Variants in OCSTAMP observed in about 807,000 individuals in gnomAD.
The protein encoded by OCSTAMP is transmembrane protein C20orf123.
Under a neutral mutation model 25.2 loss-of-function variants are expected in OCSTAMP, and 17 were observed. That is an observed-to-expected ratio of 0.68 (90% CI 0.46 to 1.01). OCSTAMP has a LOEUF of 1.01. Among genes scored for constraint, OCSTAMP ranks in the 50% least tolerant of loss-of-function variants. The pLI is 0.00. For missense variants in OCSTAMP, 664 were observed against 694.6 expected (o/e 0.96, Z 0.50); for synonymous variants, 345 against 318.9 (o/e 1.08, Z -0.87).
Position 46,541,920 on chromosome 20 carries a change from T to C in OCSTAMP, c.1055A>G (p.Tyr352Cys). ...GAAAGGGATGAAGCCCAGGACAGTG[T>C]ATGCCACCTTGGGAAAGGAGAAAAA... ...ITLTVKYDVA[Y>C]TVLGFIPFLF... Residue 352 changes from tyrosine to cysteine, a missense_variant, in exon 3 of 3, where the codon TAC becomes TGC. By Grantham distance (194) the Tyr-to-Cys change is radical (BLOSUM62 -2). Coordinates refer to ENST00000279028, the MANE Select transcript of OCSTAMP (RefSeq NM_080721.3). 1.4e-6 allele frequency: 2 copies of C among 1,428,406 alleles called. No individual in the cohort carries two copies. Among genetic ancestry groups the C allele is most frequent in the Non-Finnish European group, 1.8e-6 (2 of 1,091,260 alleles). 88.5% of individuals were successfully genotyped at this position (1,428,406 alleles called of 1,614,324 possible).
chr20:46,542,443 T>C (rs2061837524), intron 2 of OCSTAMP, among the ~76,000 whole-genome samples: 1 of 151,914 alleles, frequency 6.6e-6, no homozygotes, highest in African/African-American at 2.4e-5. Context: ...TAGCTGGGTG[T>C]GTTGGCACGT....
chr20:46,545,699 G>A lies in OCSTAMP; in HGVS notation c.675C>T (p.Thr225=), dbSNP rs372618288. ...ESLARAAALG[T]QRVVTGLFML... is the part of the protein sequence containing the mutation. The stretch of plus-strand genomic sequence containing the variant: ...TAAACAGCCCTGTGACCACTCGCTG[G>A]GTCCCTAGCGCTGCTGCCCGGGCCA... The change falls in exon 2 of 3, where the codon ACC becomes ACT. Residue 225 remains threonine, a synonymous_variant. Transcript: ENST00000279028. 9 of 1,551,502 alleles carry A rather than the reference G, an allele frequency of 5.8e-6. No homozygotes were observed. Among genetic ancestry groups the A allele is most frequent in the Admixed American group, 3.9e-5 (2 of 50,984 alleles).
At chr20:46,548,726 A>G (rs1185789045) in intron 1 of OCSTAMP, among the ~76,000 whole-genome samples, 1 of 152,198 alleles carries the variant, frequency 6.6e-6, no homozygotes, top group Non-Finnish European at 1.5e-5. Context: ...TGTTGGTTAC[A>G]GGCAAAGCTG....
Position 46,542,814 on chromosome 20 carries a change from G to T in OCSTAMP, c.1048-887C>A, listed in dbSNP as rs561293502. On this transcript the variant is annotated intron_variant, in intron 2 of 2. Coordinates refer to ENST00000279028, the MANE Select transcript of OCSTAMP (RefSeq NM_080721.3). The stretch of plus-strand genomic sequence containing the variant: ...ATTCTGCACTAACCCAGGTGCAGAA[G>T]GATAGCTTGCCACACCCCAAATGGT... 2.4e-4 allele frequency among the ~76,000 whole-genome samples: 37 copies of T among 152,268 alleles called. 2 individuals are homozygous for T. The highest frequency in any genetic ancestry group is 1.7e-3 in the South Asian group (8 of 4,820).
Position 46,541,606 on chromosome 20 carries a change from G to C in OCSTAMP, c.1369C>G (p.Gln457Glu). 6.4e-7 allele frequency: 1 copy of C among 1,551,592 alleles called. No individual in the cohort carries two copies. Among genetic ancestry groups the C allele is most frequent in the Non-Finnish European group, 8.7e-7 (1 of 1,146,992 alleles). The change falls in exon 3 of 3, where the codon CAA becomes GAA. Residue 457 changes from glutamine to glutamate, a missense_variant. Physicochemically the swap from Gln to Glu is conservative, Grantham distance 29 (BLOSUM62 2). Coordinates refer to ENST00000279028, the MANE Select transcript of OCSTAMP (RefSeq NM_080721.3). ...ARLQRRHDRH[Q>E]GQQLPLGDPS... ...TCCCCTAGGGGCAGCTGCTGGCCTT[G>C]GTGCCTGTCGTGTCTTCGCTGGAGC...
In OCSTAMP at chr20:46,541,706, G is replaced by T; in HGVS notation, c.1269C>A (p.Arg423=). 6.5e-7 allele frequency: 1 copy of T among 1,548,688 alleles called. No homozygotes were observed. The highest frequency in any genetic ancestry group is 8.7e-7 in the Non-Finnish European group (1 of 1,146,762). The change falls in exon 3 of 3, where the codon CGC becomes CGA. Residue 423 remains arginine, a synonymous_variant. Transcript: ENST00000279028. The part of the protein sequence containing the change: ...GSTVLLEAYA[R]RLRHAIAASF... ...AAGCGGCGATGGCATGCCGCAGGCG[G>T]CGGGCGTAGGCCTCCAGGAGCACCG...
At chr20:46,543,641 T>A (rs2061842561) in intron 2 of OCSTAMP, among the ~76,000 whole-genome samples, 1 of 152,038 alleles carries the variant, frequency 6.6e-6, no homozygotes, top group Non-Finnish European at 1.5e-5. Flanking sequence ...CAGCCCCCTA[T>A]TTTTCTTTTT....
At chr20:46,545,169 C>A (rs2061846902) in intron 2 of OCSTAMP, among the ~76,000 whole-genome samples, 158 bp downstream of exon 2, 1 of 152,134 alleles carries the variant, frequency 6.6e-6, no homozygotes, top group Non-Finnish European at 1.5e-5. Flanking sequence ...TTGTGGGTAT[C>A]CGATGAGTCC....
Position 46,544,172 on chromosome 20 carries a change from T to TTGCACCAC in OCSTAMP, c.1047+1147_1047+1154dup, listed in dbSNP as rs1169368483. On this transcript the variant is annotated intron_variant, in intron 2 of 2. Coordinates refer to ENST00000279028, the MANE Select transcript of OCSTAMP (RefSeq NM_080721.3). Reference sequence around the variant, plus strand: ...AGGTCAAGGTTACAGTGAGCTGTGATTGCACCACTGCACCACTGCATTCTG... The same window carrying TTGCACCAC: ...AGGTCAAGGTTACAGTGAGCTGTGATTGCACCACTGCACCACTGCACCACTGCATTCTG... 3.3e-5 allele frequency among the ~76,000 whole-genome samples: 5 copies of TTGCACCAC among 152,198 alleles called. No individual in the cohort carries two copies. In the South Asian group the frequency reaches 6.2e-4, roughly 19 times the overall value.
intron 1 of OCSTAMP, among the ~76,000 whole-genome samples, chr20:46,548,341 T>A (rs2061859679): frequency 6.6e-6 from 1 of 152,176 alleles, no homozygotes; most frequent in South Asian, 2.1e-4. Context: ...GAGCAGGGAC[T>A]TTGTCCGTTT....
At chr20:46,544,740 G>C (rs1363823448) in intron 2 of OCSTAMP, among the ~76,000 whole-genome samples, 1 of 152,164 alleles carries the variant, frequency 6.6e-6, no homozygotes, top group East Asian at 1.9e-4. Context: ...GGCAGCCACA[G>C]ACAATATATT....
At chr20:46,548,776 G>A (rs115289805) in intron 1 of OCSTAMP, among the ~76,000 whole-genome samples, 11 of 152,340 alleles carry the variant, frequency 7.2e-5, no homozygotes, top group African/African-American at 2.6e-4. Context: ...GGATAAGCAT[G>A]TGACTGGGTC....
chr20:46,545,721 G>C lies in OCSTAMP; in HGVS notation c.653C>G (p.Ala218Gly). ...CTGGGTCCCTAGCGCTGCTGCCCGG[G>C]CCAGGGACTCCAGGCCAGAGAAATC... ...LEDFSGLESLARAAALGTQRV... is the reference protein window; with the variant it reads ...LEDFSGLESLGRAAALGTQRV... Residue 218 changes from alanine (A) to glycine (G), a missense_variant, in exon 2 of 3, where the codon GCC becomes GGC. Ala to Gly is a moderately conservative substitution (Grantham distance 60). Transcript: ENST00000279028. 1 of 1,551,626 alleles carries C rather than the reference G, an allele frequency of 6.4e-7. No homozygotes were observed. The highest frequency in any genetic ancestry group is 8.7e-7 in the Non-Finnish European group (1 of 1,147,000).
Position 46,541,574 on chromosome 20 carries a change from A to T in OCSTAMP, c.1401T>A (p.Ser467=). 6.4e-7 allele frequency: 1 copy of T among 1,551,560 alleles called. No homozygotes were observed. The highest frequency in any genetic ancestry group is 8.7e-7 in the Non-Finnish European group (1 of 1,146,962). ...QGQQLPLGDP[S]CVPTPRPACK... is the part of the protein sequence containing the mutation. ...AGGCAGGTCTGGGTGTGGGGACGCA[A>T]GAAGGATCCCCTAGGGGCAGCTGCT... Residue 467 remains serine (S), a synonymous_variant, in exon 3 of 3, where the codon TCT becomes TCA. Transcript: ENST00000279028.
chr20:46,550,453 T>C, intron 1 of OCSTAMP, 64 bp downstream of exon 1: 1 of 1,423,560 alleles, frequency 7.0e-7, no homozygotes, highest in Non-Finnish European at 9.7e-7. Context: ...TTCATATCCA[T>C]CACCCCCAAT....
rs1342514309 is a variant in OCSTAMP at position 46,545,701 on chromosome 20, T to C, written c.673A>G (p.Thr225Ala). 7 of 1,551,476 alleles carry C rather than the reference T, an allele frequency of 4.5e-6. No individual in the cohort carries two copies. In the South Asian group the frequency reaches 4.8e-5, roughly 11 times the overall value. Residue 225 changes from threonine (T) to alanine (A), a missense_variant, in exon 2 of 3, where the codon ACC becomes GCC. By Grantham distance (58) the Thr-to-Ala change is moderately conservative. Transcript: ENST00000279028. Reference protein sequence around the residue: ...ESLARAAALGTQRVVTGLFML... With the variant: ...ESLARAAALGAQRVVTGLFML... Reference sequence around the variant, plus strand: ...AACAGCCCTGTGACCACTCGCTGGGTCCCTAGCGCTGCTGCCCGGGCCAGG... The same window carrying C: ...AACAGCCCTGTGACCACTCGCTGGGCCCCTAGCGCTGCTGCCCGGGCCAGG...
At chr20:46,542,797 C>G (rs1272731062) in intron 2 of OCSTAMP, among the ~76,000 whole-genome samples, 1 of 152,128 alleles carries the variant, frequency 6.6e-6, no homozygotes, top group Admixed American at 6.5e-5. Flanking sequence ...GGATTCTGCA[C>G]TAACCCAGGT....
At position 46,546,015 on chromosome 20, in the gene OCSTAMP, C is replaced by A; in HGVS notation, c.359G>T (p.Arg120Leu). The change falls in exon 2 of 3, where the codon CGG becomes CTG. Residue 120 changes from arginine to leucine, a missense_variant. Coordinates refer to ENST00000279028, the MANE Select transcript of OCSTAMP (RefSeq NM_080721.3). ...VPTLGMEQGR[R>L]LLLSYSTATL... is the part of the protein sequence containing the mutation. ...GGCAGTGCTGTAGGACAGGAGCAGC[C>A]GGCGGCCCTGCTCCATACCCAGGGT... is the stretch of plus-strand genomic sequence containing the variant. The A allele has an allele frequency of 6.4e-7, 1 of 1,551,330 alleles. No individual in the cohort carries two copies. The highest frequency in any genetic ancestry group is 8.7e-7 in the Non-Finnish European group (1 of 1,146,972).
At chr20:46,550,452 A>G (rs1268849063) in intron 1 of OCSTAMP, 65 bp downstream of exon 1, 2 of 1,421,672 alleles carry the variant, frequency 1.4e-6, no homozygotes, top group Non-Finnish European at 1.9e-6. Flanking sequence ...GTTCATATCC[A>G]TCACCCCCAA....
Sources: gnomAD v4.1 joint callset for allele counts (sites outside exome capture counted in the v4.1 genomes callset) on GRCh38, gnomAD v4.1.1 for gene constraint, MANE v1.5 for transcripts, NCBI Gene and HGNC (gene_info 2026-07-23, HGNC 2026-07-21) for gene names.